The following CSMD1 variants were observed in gnomAD, a reference collection of about 807,000 sequenced individuals.
The protein encoded by CSMD1 is CUB and sushi domain-containing protein 1.
CSMD1 carries 213 observed loss-of-function variants against 417.5 expected under a neutral mutation model. The ratio of observed to expected loss-of-function variants is 0.51; its 90% confidence interval spans 0.46 to 0.57. CSMD1 has a LOEUF of 0.57. Ranked by LOEUF, CSMD1 falls within the 20% of genes least tolerant of loss-of-function variation. CSMD1 has a pLI of 0.00. For synonymous variants in CSMD1, 2,862 were observed against 1,736.8 expected (o/e 1.65, Z -16.11); for missense variants, 6,923 against 4,529.7 (o/e 1.53, Z -15.17).
intron 3 of CSMD1, among the ~76,000 whole-genome samples, chr8:4,407,679 A>T (rs1796396666): frequency 6.6e-6 from 1 of 152,152 alleles, no homozygotes. Flanking sequence ...CTTCATACAA[A>T]TTTAAATTTG....
intron 17 of CSMD1, among the ~76,000 whole-genome samples, chr8:3,391,830 G>C (rs1041947194): frequency 1.3e-5 from 2 of 152,162 alleles, no homozygotes; most frequent in African/African-American, 2.4e-5. Context: ...TGGGCATGAA[G>C]AAGCGTCATT....
intron 41 of CSMD1, among the ~76,000 whole-genome samples, chr8:3,134,940 C>A (rs1407224919): frequency 6.6e-6 from 1 of 152,172 alleles, no homozygotes; most frequent in African/African-American, 2.4e-5. Context: ...ATTATTATTA[C>A]TGAGACAGGG....
At chr8:3,347,888 T>G in intron 22 of CSMD1, 104 bp downstream of exon 22, 1 of 663,904 alleles carries the variant, frequency 1.5e-6, no homozygotes, top group Non-Finnish European at 2.4e-6. Flanking sequence ...TATATAAAAA[T>G]ATATGTTAAT....
At chr8:3,224,972 A>G (rs1471346392) in intron 27 of CSMD1, among the ~76,000 whole-genome samples, 2 of 152,238 alleles carry the variant, frequency 1.3e-5, no homozygotes, top group Non-Finnish European at 2.9e-5. Flanking sequence ...CGTGACTACA[A>G]TTAAATCATA....
At chr8:4,690,360 G>C (rs927003741) in intron 1 of CSMD1, among the ~76,000 whole-genome samples, 28 of 152,152 alleles carry the variant, frequency 1.8e-4, no homozygotes, top group African/African-American at 6.8e-4. Context: ...TTCACCTATA[G>C]TTTTGAATGA....
chr8:3,652,021 C>G (rs759978766), intron 7 of CSMD1, among the ~76,000 whole-genome samples: 2 of 150,860 alleles, frequency 1.3e-5, no homozygotes, highest in Admixed American at 6.6e-5. Flanking sequence ...TTACCACCAT[C>G]AGAGCACTTA....
chr8:3,197,630 T>G (rs920365820), intron 33 of CSMD1, among the ~76,000 whole-genome samples: 2 of 152,042 alleles, frequency 1.3e-5, no homozygotes, highest in Middle Eastern at 3.4e-3. Flanking sequence ...CACGCCCGGC[T>G]AATTTTTGTA....
chr8:3,729,443 G>A (rs993110938), intron 6 of CSMD1, among the ~76,000 whole-genome samples: 7 of 152,134 alleles, frequency 4.6e-5, no homozygotes, highest in African/African-American at 9.7e-5. Flanking sequence ...TATAATATCC[G>A]CCAGTAGATG....
At chr8:4,571,702 T>C (rs1010482952) in intron 2 of CSMD1, among the ~76,000 whole-genome samples, 1 of 152,202 alleles carries the variant, frequency 6.6e-6, no homozygotes, top group Non-Finnish European at 1.5e-5. Context: ...TCTGTCTCTT[T>C]GATCTGTCTA....
intron 1 of CSMD1, among the ~76,000 whole-genome samples, chr8:4,876,087 A>T (rs1382464959): frequency 1.3e-5 from 2 of 152,110 alleles, no homozygotes; most frequent in Non-Finnish European, 2.9e-5. Context: ...TAATGAGTAT[A>T]ACAAAAAAGT....
chr8:4,317,763 C>T (rs1402157676), intron 3 of CSMD1, among the ~76,000 whole-genome samples: 1 of 152,180 alleles, frequency 6.6e-6, no homozygotes, highest in Non-Finnish European at 1.5e-5. Flanking sequence ...TACTTCCACA[C>T]TGCCCCAGAA....
Position 4,168,937 on chromosome 8 carries a change from C to T in CSMD1, c.416-136838G>A, listed in dbSNP as rs555071752. ...AGGCCTTGCTCTGTTTAACCTTGGC[C>T]TTTGAGGTACCTGATCATCTCTGCT... On this transcript the variant is annotated intron_variant, in intron 3 of 69. Coordinates refer to ENST00000635120, the MANE Select transcript of CSMD1 (RefSeq NM_033225.6). Among the ~76,000 whole-genome samples, 8 of 152,276 alleles carry T rather than the reference C, an allele frequency of 5.3e-5. No individual in the cohort carries two copies. The East Asian group carries it at 1.5e-3, about 29-fold the overall frequency.
At chr8:4,214,904 C>G (rs989944546) in intron 3 of CSMD1, among the ~76,000 whole-genome samples, 1 of 152,012 alleles carries the variant, frequency 6.6e-6, no homozygotes, top group Non-Finnish European at 1.5e-5. Context: ...TTAAGTTTTA[C>G]AACTTGTTTT....
Position 2,942,590 on chromosome 8 carries a change from C to T in CSMD1, c.10417G>A (p.Asp3473Asn), listed in dbSNP as rs764466822. The change falls in exon 69 of 70, where the codon GAT becomes AAT. Residue 3473 changes from aspartate to asparagine, a missense_variant. By Grantham distance (23) the Asp-to-Asn change is conservative. Transcript: ENST00000635120. ...TGGTAATGACTGGAAGAGTCTTGAT[C>T]TGGGTTTAAAGGATCTGTAAGATAA... ...KLERQDPLNP[D>N]QDSSSHYHGT... 3.1e-6 allele frequency: 5 copies of T among 1,592,554 alleles called. No individual in the cohort carries two copies. In the South Asian group the frequency reaches 5.7e-5, roughly 18 times the overall value.
chr8:3,990,138 T>C (rs954895756), intron 5 of CSMD1, among the ~76,000 whole-genome samples: 1 of 152,216 alleles, frequency 6.6e-6, no homozygotes, highest in Non-Finnish European at 1.5e-5. Context: ...AGCGTTAATT[T>C]AGTTTTACTT....
intron 1 of CSMD1, among the ~76,000 whole-genome samples, chr8:4,914,029 A>G (rs1165341595): frequency 6.6e-6 from 1 of 152,236 alleles, no homozygotes; most frequent in Non-Finnish European, 1.5e-5. Flanking sequence ...CAGTTTCTTA[A>G]AGACATTTCC....
intron 3 of CSMD1, among the ~76,000 whole-genome samples, chr8:4,412,474 C>T (rs778979940): frequency 2.6e-5 from 4 of 152,182 alleles, no homozygotes; most frequent in Non-Finnish European, 5.9e-5. Context: ...GATGCCAGTA[C>T]CACGGTTCCT....
chr8:4,759,304 G>A (rs1811871742), intron 1 of CSMD1, among the ~76,000 whole-genome samples: 1 of 152,200 alleles, frequency 6.6e-6, no homozygotes, highest in Non-Finnish European at 1.5e-5. Flanking sequence ...CACAAGCCAA[G>A]AGGGCATCTG....
chr8:4,198,813 G>T (rs1433299075), intron 3 of CSMD1, among the ~76,000 whole-genome samples: 1 of 151,930 alleles, frequency 6.6e-6, no homozygotes, highest in Non-Finnish European at 1.5e-5. Flanking sequence ...AGAGGTCATG[G>T]CACAAAAAGT....
Sources: allele counts gnomAD v4.1 joint callset (sites outside exome capture counted in the v4.1 genomes callset), GRCh38; gene constraint gnomAD v4.1.1; transcripts MANE v1.5; gene names NCBI Gene and HGNC (gene_info 2026-07-23, HGNC 2026-07-21).